CALN1: variants seen among roughly 807,000 people sequenced by gnomAD.
CALN1 encodes the protein calcium-binding protein 8.
Under a neutral mutation model 30.6 loss-of-function variants are expected in CALN1, and 17 were observed. That is an observed-to-expected ratio of 0.56 (90% CI 0.38 to 0.83). CALN1 has a LOEUF of 0.83. Ranked by LOEUF, CALN1 falls within the 40% of genes least tolerant of loss-of-function variation. CALN1 has a pLI of 0.00. For synonymous variants in CALN1, 156 were observed against 131.4 expected (o/e 1.19, Z -1.28); for missense variants, 291 against 354.9 (o/e 0.82, Z 1.45).
intron 5 of CALN1, among the ~76,000 whole-genome samples, chr7:71,876,371 C>T (rs1354553890): frequency 2.0e-5 from 3 of 152,276 alleles, no homozygotes; most frequent in African/African-American, 4.8e-5. Flanking sequence ...GGCCCTTTCA[C>T]ATGCACTCAC....
intron 4 of CALN1, among the ~76,000 whole-genome samples, chr7:72,026,053 A>G (rs1801031776): frequency 6.6e-6 from 1 of 152,190 alleles, no homozygotes; most frequent in African/African-American, 2.4e-5. Context: ...ATCCAACAAG[A>G]TAAGTCTAAA....
At chr7:72,147,301 A>G (rs1412559008) in intron 3 of CALN1, among the ~76,000 whole-genome samples, 3 of 152,132 alleles carry the variant, frequency 2.0e-5, no homozygotes, top group African/African-American at 4.8e-5. Context: ...ACAAGTGGGC[A>G]AAGGATATGA....
intron 4 of CALN1, among the ~76,000 whole-genome samples, chr7:72,101,871 C>A (rs905608928): frequency 6.6e-6 from 1 of 152,284 alleles, no homozygotes; most frequent in African/African-American, 2.4e-5. Flanking sequence ...TAGAATTAAG[C>A]TGCTTTTCAG....
the CALN1 span, among the ~76,000 whole-genome samples, chr7:72,466,319 C>T: frequency 6.6e-6 from 1 of 152,156 alleles, no homozygotes; most frequent in African/African-American, 2.4e-5. Flanking sequence ...GTTCTGCCTT[C>T]CCGGGTCACT....
At chr7:72,214,421 G>A (rs930408356) in intron 3 of CALN1, among the ~76,000 whole-genome samples, 1 of 152,198 alleles carries the variant, frequency 6.6e-6, no homozygotes, top group Admixed American at 6.5e-5. Context: ...GGAGGCTGCA[G>A]TGAGCCAAGA....
the CALN1 span, among the ~76,000 whole-genome samples, chr7:72,492,652 G>A: frequency 0.15 from 23,478 of 152,206 alleles, 1,994 homozygotes; most frequent in African/African-American, 0.2. Context: ...GTCAGCCCTC[G>A]TGGCTCTAAT....
At chr7:72,142,552 G>C (rs932272197) in intron 3 of CALN1, among the ~76,000 whole-genome samples, 1 of 152,226 alleles carries the variant, frequency 6.6e-6, no homozygotes, top group Non-Finnish European at 1.5e-5. Context: ...TCTGGGGGCA[G>C]GGCATAGCCG....
intron 5 of CALN1, among the ~76,000 whole-genome samples, chr7:71,961,753 G>A (rs1797257991): frequency 6.6e-6 from 1 of 152,068 alleles, no homozygotes; most frequent in Non-Finnish European, 1.5e-5. Context: ...GGCCAATTCA[G>A]ACAATGGCAA....
At chr7:72,284,821 G>A (rs1293513705) in intron 2 of CALN1, among the ~76,000 whole-genome samples, 1 of 152,000 alleles carries the variant, frequency 6.6e-6, no homozygotes, top group Non-Finnish European at 1.5e-5. Context: ...GATAGATTAA[G>A]GATAGATAGA....
chr7:72,494,869 A>AAATAATAAT, the CALN1 span, among the ~76,000 whole-genome samples: 483 of 150,944 alleles, frequency 3.2e-3, no homozygotes, highest in South Asian at 8.4e-3. Flanking sequence ...CCTGTCTCAA[A>AAATAATAAT]AATAATAATA....
intron 1 of CALN1, among the ~76,000 whole-genome samples, chr7:72,430,682 A>G (rs149751216): frequency 5.4e-4 from 82 of 152,250 alleles, no homozygotes; most frequent in African/African-American, 1.9e-3. Context: ...CCGAGCACCA[A>G]CCAATCAGAA....
intron 4 of CALN1, among the ~76,000 whole-genome samples, chr7:72,031,509 T>C (rs965204690): frequency 6.6e-6 from 1 of 152,132 alleles, no homozygotes; most frequent in African/African-American, 2.4e-5. Flanking sequence ...TAAGAATAAC[T>C]GTATCAAGGC....
At chr7:71,943,699 C>T (rs1796254456) in intron 5 of CALN1, among the ~76,000 whole-genome samples, 1 of 152,124 alleles carries the variant, frequency 6.6e-6, no homozygotes, top group Non-Finnish European at 1.5e-5. Flanking sequence ...ACCTCGGACT[C>T]CCAAAGTGTT....
chr7:72,183,427 C>T (rs1789958948), intron 3 of CALN1, among the ~76,000 whole-genome samples: 1 of 152,000 alleles, frequency 6.6e-6, no homozygotes, highest in African/African-American at 2.4e-5. Flanking sequence ...AGAAGTATAC[C>T]TTAAATCTGC....
intron 5 of CALN1, among the ~76,000 whole-genome samples, chr7:71,858,871 CAT>C (rs758326785): frequency 1.3e-5 from 2 of 152,126 alleles, no homozygotes; most frequent in Admixed American, 6.6e-5. Context: ...ACTTTGGGCA[CAT>C]GTCATCATCA....
intron 4 of CALN1, among the ~76,000 whole-genome samples, chr7:72,070,272 G>A (rs991765901): frequency 2.6e-5 from 4 of 152,210 alleles, no homozygotes; most frequent in South Asian, 2.1e-4. Context: ...CTCCCAAAAC[G>A]TAAAAACTTG....
chr7:72,398,276 A>C (rs753267187), intron 2 of CALN1, among the ~76,000 whole-genome samples: 3 of 152,182 alleles, frequency 2.0e-5, no homozygotes, highest in African/African-American at 2.4e-5. Context: ...TTATGTGTAG[A>C]CTTTTTATAA....
chr7:72,306,614 C>A (rs1386788943), intron 2 of CALN1, among the ~76,000 whole-genome samples: 1 of 145,248 alleles, frequency 6.9e-6, no homozygotes, highest in African/African-American at 2.6e-5. Context: ...AACTCTCATT[C>A]CTGCTCTAAA....
intron 5 of CALN1, among the ~76,000 whole-genome samples, chr7:71,966,209 G>C (rs1462627847): frequency 6.6e-6 from 1 of 152,214 alleles, no homozygotes; most frequent in Non-Finnish European, 1.5e-5. Context: ...AGCAGCCATG[G>C]ACAATACAAA....
Sources: gnomAD v4.1 joint callset for allele counts (sites outside exome capture counted in the v4.1 genomes callset) on GRCh38, gnomAD v4.1.1 for gene constraint, MANE v1.5 for transcripts, NCBI Gene and HGNC (gene_info 2026-07-23, HGNC 2026-07-21) for gene names.